The following TANC2 variants were observed in gnomAD, a reference collection of about 807,000 sequenced individuals.
The protein encoded by TANC2 is protein TANC2.
In TANC2, 26 loss-of-function variants were observed where a neutral mutation model predicts 210.5. That is an observed-to-expected ratio of 0.12 (90% CI 0.09 to 0.17). The LOEUF is 0.17. Among genes scored for constraint, TANC2 ranks in the 10% least tolerant of loss-of-function variants. The probability of loss-of-function intolerance (pLI) is 1.00; values close to 1 mark genes in which losing one functional copy is unlikely to be tolerated. For missense variants in TANC2, 2,129 were observed against 2,608.9 expected (o/e 0.82, Z 4.01); for synonymous variants, 931 against 967.1 (o/e 0.96, Z 0.69).
intron 1 of TANC2, among the ~76,000 whole-genome samples, chr17:62,981,947 A>T (rs2032323972): frequency 6.6e-6 from 1 of 151,732 alleles, no homozygotes; most frequent in South Asian, 2.1e-4. Context: ...GTCAGGATAC[A>T]TCACCCTCCT....
chr17:63,146,036 G>C (rs1607442), intron 4 of TANC2, among the ~76,000 whole-genome samples: 10,742 of 152,118 alleles, frequency 0.071, 678 homozygotes, highest in African/African-American at 0.17. Flanking sequence ...AGTCCATGAA[G>C]AATGGATGCC....
chr17:63,277,885 T>A (rs753670121), intron 9 of TANC2, among the ~76,000 whole-genome samples: 13 of 151,930 alleles, frequency 8.6e-5, no homozygotes, highest in Non-Finnish European at 1.6e-4. Context: ...TAAAAAGAGG[T>A]AACAGGCCGG....
intron 7 of TANC2, among the ~76,000 whole-genome samples, chr17:63,227,191 A>G (rs1201832985): frequency 1.3e-5 from 2 of 152,160 alleles, no homozygotes; most frequent in African/African-American, 2.4e-5. Flanking sequence ...GTCTTCCACA[A>G]TGGTTGAACT....
At chr17:63,304,856 T>C (rs1360357185) in intron 9 of TANC2, among the ~76,000 whole-genome samples, 2 of 152,196 alleles carry the variant, frequency 1.3e-5, no homozygotes, top group Non-Finnish European at 2.9e-5. Flanking sequence ...AGGCACTCTG[T>C]CCGCGGTCTG....
intron 8 of TANC2, among the ~76,000 whole-genome samples, chr17:63,255,059 T>A (rs551958181): frequency 4.8e-5 from 7 of 144,586 alleles, no homozygotes; most frequent in South Asian, 2.2e-4. Context: ...AATAGTTATT[T>A]TTTATTTATT....
chr17:63,089,769 T>C (rs941999252), intron 3 of TANC2, among the ~76,000 whole-genome samples: 3 of 152,178 alleles, frequency 2.0e-5, no homozygotes, highest in African/African-American at 7.2e-5. Flanking sequence ...TTATGCATTG[T>C]TATTGTGTGT....
chr17:63,421,491 CCCA>C lies in TANC2; in HGVS notation c.5764_5766del (p.Thr1922del), dbSNP rs1314791244. ...AACTCAAGGAGGTTACCCCAGTGAGCCCACCCGATCCAGGACCACACCATTCAT... is the reference window on the plus strand; with the variant it reads ...AACTCAAGGAGGTTACCCCAGTGAGCCCCGATCCAGGACCACACCATTCAT... On this transcript the variant is annotated inframe_deletion, in exon 28 of 28. Coordinates refer to ENST00000689528, the Ensembl canonical transcript of TANC2. This position sits in a 1 kb window ranked among gnomAD's most constrained non-coding sequence, Gnocchi z 6.9. 1 of 1,613,976 alleles carries C rather than the reference CCCA, an allele frequency of 6.2e-7. No homozygotes were observed. Among genetic ancestry groups the C allele is most frequent in the Non-Finnish European group, 8.5e-7 (1 of 1,179,894 alleles).
intron 4 of TANC2, among the ~76,000 whole-genome samples, chr17:63,104,600 A>G (rs906705427): frequency 3.9e-5 from 6 of 152,206 alleles, no homozygotes; most frequent in South Asian, 4.1e-4. Flanking sequence ...GATATTGTTT[A>G]TATAGCAAAA....
At chr17:63,064,428 C>A (rs76192635) in intron 2 of TANC2, among the ~76,000 whole-genome samples, 39 of 152,106 alleles carry the variant, frequency 2.6e-4, no homozygotes, top group African/African-American at 8.4e-4. Context: ...CACTGTATTC[C>A]GTTGTGGGTG....
rs923284305 is a variant in TANC2 at position 63,066,201 on chromosome 17, G to A, written c.68-7742G>A. Among the ~76,000 whole-genome samples, 18 of 152,134 alleles carry A rather than the reference G, an allele frequency of 1.2e-4. No homozygotes were observed. In the South Asian group the frequency reaches 1.2e-3, roughly 10 times the overall value. On this transcript the variant is annotated intron_variant, in intron 2 of 27. Transcript: ENST00000689528. The stretch of plus-strand genomic sequence containing the variant: ...CTGGCAAAGGGTGGGTCTGAAGCTT[G>A]GGACTTTGAGAGCTGGCCTGGTTCT...
intron 3 of TANC2, among the ~76,000 whole-genome samples, chr17:63,077,142 G>C (rs945701386): frequency 2.6e-5 from 4 of 152,126 alleles, no homozygotes; most frequent in East Asian, 1.9e-4. Flanking sequence ...TCATGCTTCT[G>C]GGGGGTGGGA....
chr17:63,257,317 T>C (rs2043223810), intron 8 of TANC2, among the ~76,000 whole-genome samples: 1 of 152,152 alleles, frequency 6.6e-6, no homozygotes, highest in Non-Finnish European at 1.5e-5. Context: ...GTTGTTGGCT[T>C]TTTGGTTTGA....
chr17:63,270,632 A>G (rs1425590511), intron 9 of TANC2, among the ~76,000 whole-genome samples: 1 of 152,182 alleles, frequency 6.6e-6, no homozygotes, highest in Admixed American at 6.6e-5. Flanking sequence ...TATCTTTCAT[A>G]CATTTTAAAG....
At chr17:63,026,753 T>C (rs1568327972) in intron 2 of TANC2, among the ~76,000 whole-genome samples, 1 of 152,224 alleles carries the variant, frequency 6.6e-6, no homozygotes, top group Admixed American at 6.5e-5. Flanking sequence ...ATTTCCATAC[T>C]CTGAATTTCT....
At chr17:63,365,320 C>T (rs1455102816) in intron 14 of TANC2, among the ~76,000 whole-genome samples, 3 of 152,162 alleles carry the variant, frequency 2.0e-5, no homozygotes, top group Non-Finnish European at 4.4e-5. Context: ...TTACTGTAGC[C>T]GTCCACATAT....
At position 63,172,585 on chromosome 17, in the gene TANC2, A is replaced by G. The variant is rs190899168; in HGVS notation, c.433+21205A>G. 1.3e-3 allele frequency among the ~76,000 whole-genome samples: 193 copies of G among 152,258 alleles called. 1 individual carries two copies. Among genetic ancestry groups the G allele is most frequent in the African/African-American group, 4.5e-3 (185 of 41,552 alleles). ...AATAAACACTAAAATTATGAAAATC[A>G]CCCATTTAAATAATTTAATACATCA... On this transcript the variant is annotated intron_variant, in intron 5 of 27. Transcript: ENST00000689528.
intron 10 of TANC2, among the ~76,000 whole-genome samples, chr17:63,318,410 T>C (rs1357002448): frequency 1.3e-5 from 2 of 152,222 alleles, no homozygotes; most frequent in African/African-American, 2.4e-5. Flanking sequence ...CACAGAGTTG[T>C]ATAGCAATCA....
intron 5 of TANC2, among the ~76,000 whole-genome samples, chr17:63,175,221 G>C (rs1364179091): frequency 1.3e-5 from 2 of 152,128 alleles, no homozygotes; most frequent in Non-Finnish European, 2.9e-5. Context: ...AAATAAAAAT[G>C]TTAGGGAAAT....
At chr17:63,413,440 G>T (rs1186075083) in intron 24 of TANC2, 103 bp from the exon 25 acceptor site, 1 of 815,684 alleles carries the variant, frequency 1.2e-6, no homozygotes, top group Non-Finnish European at 1.9e-6. Context: ...GGAGCAAGTT[G>T]TTCTCTCAGC....
Sources: gnomAD v4.1 joint callset for allele counts (sites outside exome capture counted in the v4.1 genomes callset) on GRCh38, gnomAD v4.1.1 for gene constraint, Gnocchi (gnomAD v3.1) non-coding constraint, MANE v1.5 for transcripts, NCBI Gene and HGNC (gene_info 2026-07-23, HGNC 2026-07-21) for gene names.